The following COG7 variants were observed in gnomAD, a reference collection of about 807,000 sequenced individuals.
COG7 encodes conserved oligomeric Golgi complex subunit 7.
A neutral mutation model predicts 91.5 loss-of-function variants in COG7; 49 were observed. The observed-to-expected ratio is 0.54, with a 90% CI of 0.43 to 0.68. COG7 has a LOEUF of 0.68. Among genes scored for constraint, COG7 ranks in the 30% least tolerant of loss-of-function variants. COG7 has a pLI of 0.00. For missense variants in COG7, 895 were observed against 961.3 expected, an observed-to-expected ratio of 0.93 and a Z score of 0.91; for synonymous variants, 365 against 388.7, an observed-to-expected ratio of 0.94 and a Z score of 0.72.
intron 16 of COG7, chr16:23,389,772 G>A (rs1596901275): frequency 6.5e-6 from 1 of 152,828 alleles, no homozygotes; most frequent in African/African-American, 2.4e-5. Context: ...AGATTTCTGA[G>A]CCTACCCCCA....
Position 23,413,486 on chromosome 16 carries a change from G to T in COG7, c.1371C>A (p.Leu457=). The T allele has an allele frequency of 6.2e-7, 1 of 1,611,788 alleles. No homozygotes were observed. The highest frequency in any genetic ancestry group is 8.5e-7 in the Non-Finnish European group (1 of 1,177,824). ...CKLDHIPPNS[L]FQEDWTAFQN... Reference sequence around the variant, plus strand: ...GAAAAGCCGTCCAATCTTCCTGGAAGAGGGAGTTGGGAGGAATGTGGTCCA... The same window carrying T: ...GAAAAGCCGTCCAATCTTCCTGGAATAGGGAGTTGGGAGGAATGTGGTCCA... Residue 457 remains leucine, a synonymous_variant, in exon 10 of 17, where the codon CTC becomes CTA. Coordinates refer to ENST00000307149, the MANE Select transcript of COG7 (RefSeq NM_153603.4).
In COG7 at chr16:23,434,541, T is replaced by C. The variant is rs1365760928; in HGVS notation, c.687+95A>G. 4.2e-6 allele frequency: 4 copies of C among 953,628 alleles called. No individual in the cohort carries two copies. The Admixed American group carries it at 7.6e-5, about 18-fold the overall frequency. The allele number at this position is 953,628 out of a possible 1,614,324, so 59.1% of individuals were successfully genotyped here. A position where few individuals can be genotyped will look rare whatever the true frequency, so the allele number is the denominator to read the frequency against. ...AACAGCCAGAGGGCAAGGAGACAAA[T>C]GTTCTTACCTTCTGAATTATGAACC... is the stretch of plus-strand genomic sequence containing the variant. On this transcript the variant is annotated intron_variant, in intron 5 of 16. Coordinates refer to ENST00000307149, the MANE Select transcript of COG7 (RefSeq NM_153603.4).
At chr16:23,406,322 A>G in intron 11 of COG7, 60 bp from the exon 12 acceptor site, 4 of 1,427,056 alleles carry the variant, frequency 2.8e-6, no homozygotes, top group Middle Eastern at 1.7e-4. Flanking sequence ...TTCTTCTTGG[A>G]GCAGTCAGAT....
At chr16:23,401,567 T>G (rs1448518484) in intron 13 of COG7, among the ~76,000 whole-genome samples, 5 of 151,920 alleles carry the variant, frequency 3.3e-5, no homozygotes, top group Admixed American at 3.3e-4. Flanking sequence ...AATCTGCAGG[T>G]GAGGGAGGGG....
chr16:23,445,934 A>G lies in COG7; in HGVS notation c.197T>C (p.Met66Thr). Residue 66 changes from methionine (M) to threonine (T), a missense_variant, in exon 2 of 17, where the codon ATG becomes ACG. Transcript: ENST00000307149. ...TTCAACATCACGGAGCACTTTGGGC[A>G]TGTTCTGGAGAGCTTGGTGACTTGT... ...EETSHQALQN[M>T]PKVLRDVEAL... 1.3e-6 allele frequency: 2 copies of G among 1,595,528 alleles called. No individual in the cohort carries two copies. Among genetic ancestry groups the G allele is most frequent in the East Asian group, 2.3e-5 (1 of 43,742 alleles).
intron 12 of COG7, among the ~76,000 whole-genome samples, 194 bp downstream of exon 12, chr16:23,405,882 C>G (rs1338841614): frequency 6.6e-6 from 1 of 152,172 alleles, no homozygotes; most frequent in Admixed American, 6.5e-5. Flanking sequence ...ACCTCTACAT[C>G]TGTATCTCAA....
intron 14 of COG7, among the ~76,000 whole-genome samples, chr16:23,395,165 T>C (rs1262301995): frequency 6.6e-6 from 1 of 152,222 alleles, no homozygotes; most frequent in African/African-American, 2.4e-5. Context: ...TTTTCTTTCA[T>C]GTACTTAGTA....
chr16:23,442,852 A>G (rs995201445), intron 3 of COG7, among the ~76,000 whole-genome samples: 1 of 151,988 alleles, frequency 6.6e-6, no homozygotes, highest in Non-Finnish European at 1.5e-5. Context: ...CCTGGTTAAC[A>G]TGGCAAGATC....
chr16:23,435,213 A>G (rs1361108867), intron 4 of COG7, among the ~76,000 whole-genome samples: 1 of 152,120 alleles, frequency 6.6e-6, no homozygotes, highest in Non-Finnish European at 1.5e-5. Context: ...AAAGAAAAAC[A>G]AAAATTAGCT....
intron 16 of COG7, chr16:23,390,036 G>C (rs1170266425): frequency 6.6e-6 from 1 of 152,182 alleles, no homozygotes; most frequent in African/African-American, 2.4e-5. Flanking sequence ...AGCACCTGAT[G>C]TGTCGCAGGT....
intron 16 of COG7, among the ~76,000 whole-genome samples, chr16:23,391,691 C>T (rs547316246): frequency 3.5e-4 from 54 of 152,290 alleles, no homozygotes; most frequent in Non-Finnish European, 7.1e-4. Context: ...GTGCGTTAGG[C>T]TAAAGAGCAG....
intron 10 of COG7, 109 bp from the exon 11 acceptor site, chr16:23,410,469 T>C (rs1963544664): frequency 2.2e-6 from 2 of 896,270 alleles, no homozygotes; most frequent in East Asian, 2.6e-5. Context: ...CTTTGGGTAG[T>C]TCTGGTTCTG....
intron 12 of COG7, among the ~76,000 whole-genome samples, chr16:23,404,182 AAG>A (rs1308209479): frequency 1.3e-5 from 2 of 152,242 alleles, no homozygotes; most frequent in African/African-American, 2.4e-5. Context: ...GGAGGTGGGA[AAG>A]AGGGGGGAAA....
intron 6 of COG7, among the ~76,000 whole-genome samples, chr16:23,428,390 C>T (rs1963882506): frequency 6.6e-6 from 1 of 151,240 alleles, no homozygotes; most frequent in African/African-American, 2.4e-5. Flanking sequence ...TGCTACAACT[C>T]AATAATAAAA....
At chr16:23,440,809 T>A (rs137973425) in intron 4 of COG7, among the ~76,000 whole-genome samples, 3 of 152,012 alleles carry the variant, frequency 2.0e-5, no homozygotes, top group Admixed American at 6.6e-5. Context: ...TTGGGTGAAG[T>A]TTGAGGACTG....
intron 13 of COG7, among the ~76,000 whole-genome samples, chr16:23,402,695 A>G (rs1963397807): frequency 6.6e-6 from 1 of 152,220 alleles, no homozygotes; most frequent in Admixed American, 6.5e-5. Flanking sequence ...CTGCGCTACA[A>G]ATACAAAATC....
intron 6 of COG7, among the ~76,000 whole-genome samples, chr16:23,428,823 C>T (rs1190591692): frequency 6.6e-6 from 1 of 151,752 alleles, no homozygotes; most frequent in Non-Finnish European, 1.5e-5. Context: ...TCCCGAGTAG[C>T]TGGGATTACA....
At chr16:23,407,287 G>C (rs988617850) in intron 11 of COG7, among the ~76,000 whole-genome samples, 3 of 152,166 alleles carry the variant, frequency 2.0e-5, no homozygotes, top group African/African-American at 7.2e-5. Flanking sequence ...CAGTAACTTT[G>C]GTTGGGTCTC....
chr16:23,410,680 T>A (rs1354781367), intron 10 of COG7, among the ~76,000 whole-genome samples: 1 of 152,192 alleles, frequency 6.6e-6, no homozygotes, highest in Non-Finnish European at 1.5e-5. Context: ...AGGGTAGAGA[T>A]ATTTTATATC....
Sources: gnomAD v4.1 joint callset for allele counts (sites outside exome capture counted in the v4.1 genomes callset) on GRCh38, gnomAD v4.1.1 for gene constraint, MANE v1.5 for transcripts, NCBI Gene and HGNC (gene_info 2026-07-23, HGNC 2026-07-21) for gene names.